Variants in PTPRD observed in about 807,000 individuals in gnomAD.
PTPRD encodes receptor-type tyrosine-protein phosphatase delta.
PTPRD carries 34 observed loss-of-function variants against 214.5 expected under a neutral mutation model. The ratio of observed to expected loss-of-function variants is 0.16; its 90% CI spans 0.12 to 0.21. The LOEUF (loss-of-function observed/expected upper bound fraction) is 0.21. Among genes scored for constraint, PTPRD ranks in the 10% least tolerant of loss-of-function variants. The pLI is 1.00. For missense variants in PTPRD, 2,545 were observed against 2,398.7 expected (o/e 1.06, Z -1.27); for synonymous variants, 1,128 against 845.7 (o/e 1.33, Z -5.79).
intron 9 of PTPRD, among the ~76,000 whole-genome samples, chr9:9,301,983 A>C (rs1366553047): frequency 6.6e-6 from 1 of 151,966 alleles, no homozygotes; most frequent in African/African-American, 2.4e-5. Flanking sequence ...ATTTAAAGTC[A>C]AGTTACTGAT....
chr9:9,405,095 T>G (rs184053432), intron 8 of PTPRD, among the ~76,000 whole-genome samples: 1 of 152,202 alleles, frequency 6.6e-6, no homozygotes, highest in Admixed American at 6.6e-5. Context: ...GCATTTCTTA[T>G]AGGAAACACT....
At chr9:8,338,847 C>CAGAGAGTGAGAGGGAGAGAG in intron 43 of PTPRD, 75 bp downstream of exon 43, 1 of 1,076,430 alleles carries the variant, frequency 9.3e-7, no homozygotes, top group Non-Finnish European at 1.3e-6. Flanking sequence ...GTGCTTCTCC[C>CAGAGAGTGAGAGGGAGAGAG]AGAGAGAGAG....
Position 10,571,449 on chromosome 9 carries a change from T to G in PTPRD, c.-600+40949A>C, listed in dbSNP as rs192110612. ...TCATAAATGCTGTGTTAAATTTTAATGGTTTCCATGATATAGTAAAGAAAC... is the reference window on the plus strand; with the variant it reads ...TCATAAATGCTGTGTTAAATTTTAAGGGTTTCCATGATATAGTAAAGAAAC... On this transcript the variant is annotated intron_variant, in intron 2 of 45. Coordinates refer to ENST00000381196, the MANE Select transcript of PTPRD (RefSeq NM_002839.4). Among the ~76,000 whole-genome samples the G allele has an allele frequency of 5.1e-4, 77 of 152,294 alleles. No homozygotes were observed. The East Asian group carries it at 0.011, about 21-fold the overall frequency.
intron 8 of PTPRD, among the ~76,000 whole-genome samples, chr9:9,398,196 T>C (rs375039238): frequency 1.3e-5 from 2 of 151,514 alleles, no homozygotes; most frequent in Non-Finnish European, 2.9e-5. Flanking sequence ...CCATTCCTTA[T>C]GGCCAGCTCA....
chr9:8,761,778 C>A (rs10116682), intron 11 of PTPRD, among the ~76,000 whole-genome samples: 6,617 of 152,150 alleles, frequency 0.043, 346 homozygotes, highest in African/African-American at 0.13. Flanking sequence ...GATGAATCCT[C>A]AGAAGAAAAT....
chr9:9,336,851 G>A lies in PTPRD; in HGVS notation c.-203+60598C>T, dbSNP rs566437536. 3.3e-5 allele frequency among the ~76,000 whole-genome samples: 5 copies of A among 152,162 alleles called. No individual in the cohort carries two copies. The South Asian group carries it at 8.3e-4, about 25-fold the overall frequency. Reference sequence around the variant, plus strand: ...GTCTCATCTTTGTGATAGTTTATATGAGTAAGACATTTTTCAGTGATGGCT... The same window carrying A: ...GTCTCATCTTTGTGATAGTTTATATAAGTAAGACATTTTTCAGTGATGGCT... On this transcript the variant is annotated intron_variant, in intron 9 of 45. Coordinates refer to ENST00000381196, the MANE Select transcript of PTPRD (RefSeq NM_002839.4).
chr9:8,433,646 G>C (rs1437103775), intron 35 of PTPRD, among the ~76,000 whole-genome samples: 1 of 152,028 alleles, frequency 6.6e-6, no homozygotes, highest in Non-Finnish European at 1.5e-5. Context: ...AATTTAAATA[G>C]AAAAACGCTT....
intron 11 of PTPRD, among the ~76,000 whole-genome samples, chr9:8,950,069 G>A (rs973441870): frequency 1.8e-4 from 28 of 152,096 alleles, no homozygotes; most frequent in African/African-American, 6.8e-4. Flanking sequence ...ATAGGTATTG[G>A]AATGTCTATT....
At chr9:10,151,618 G>C (rs767393420) in intron 3 of PTPRD, among the ~76,000 whole-genome samples, 2 of 151,958 alleles carry the variant, frequency 1.3e-5, no homozygotes, top group African/African-American at 2.4e-5. Flanking sequence ...CATACAGAAA[G>C]TTTACTATTT....
At chr9:10,493,597 T>C (rs1426202391) in intron 2 of PTPRD, among the ~76,000 whole-genome samples, 2 of 151,990 alleles carry the variant, frequency 1.3e-5, no homozygotes, top group African/African-American at 4.8e-5. Context: ...CAAAAATTAA[T>C]ACAGGGTTTC....
chr9:9,255,396 G>T (rs1188494811), intron 9 of PTPRD, among the ~76,000 whole-genome samples: 1 of 151,926 alleles, frequency 6.6e-6, no homozygotes, highest in African/African-American at 2.4e-5. Flanking sequence ...GCTCAACTCA[G>T]GAGAGGTATG....
intron 2 of PTPRD, among the ~76,000 whole-genome samples, chr9:10,431,622 G>A (rs1043825295): frequency 6.5e-4 from 98 of 151,868 alleles, no homozygotes; most frequent in African/African-American, 2.0e-3. Flanking sequence ...AAAAGTGGGC[G>A]AAGGACATGA....
At chr9:10,259,925 A>G (rs1336288672) in intron 3 of PTPRD, among the ~76,000 whole-genome samples, 1 of 152,070 alleles carries the variant, frequency 6.6e-6, no homozygotes, top group Non-Finnish European at 1.5e-5. Flanking sequence ...GTGGATATGC[A>G]CAAGCATCAG....
At chr9:9,368,009 T>C (rs1256421613) in intron 9 of PTPRD, among the ~76,000 whole-genome samples, 1 of 151,792 alleles carries the variant, frequency 6.6e-6, no homozygotes, top group African/African-American at 2.4e-5. Flanking sequence ...CAGTCTGGCA[T>C]GATTAAACTT....
At position 10,403,227 on chromosome 9, in the gene PTPRD, AATAT is replaced by A. The variant is rs58712564; in HGVS notation, c.-599-62214_-599-62211del. On this transcript the variant is annotated intron_variant, in intron 2 of 45. Coordinates refer to ENST00000381196, the MANE Select transcript of PTPRD (RefSeq NM_002839.4). ...TTTCTGTTATTTGTGTGTGTGTGTA[AATAT>A]ATATATATATATATATATATATATA... 2.6e-3 allele frequency among the ~76,000 whole-genome samples: 153 copies of A among 59,870 alleles called. 8 individuals are homozygous for A. Among genetic ancestry groups the A allele is most frequent in the Middle Eastern group, 0.017 (1 of 60 alleles). 39.3% of individuals were successfully genotyped at this position (59,870 alleles called of 152,430 possible).
chr9:10,473,452 T>C (rs1566312072), intron 2 of PTPRD, among the ~76,000 whole-genome samples: 2 of 152,202 alleles, frequency 1.3e-5, no homozygotes, highest in African/African-American at 2.4e-5. Context: ...GAAGAAGAGA[T>C]AATCTATCAA....
chr9:10,414,518 A>C (rs1967867170), intron 2 of PTPRD, among the ~76,000 whole-genome samples: 1 of 151,992 alleles, frequency 6.6e-6, no homozygotes, highest in African/African-American at 2.4e-5. Flanking sequence ...ACTATTGTGG[A>C]AAGCAGCGTG....
chr9:8,327,470 G>A (rs182497978), intron 44 of PTPRD, among the ~76,000 whole-genome samples: 11 of 152,190 alleles, frequency 7.2e-5, no homozygotes, highest in Admixed American at 2.6e-4. Flanking sequence ...GTCAATGTTA[G>A]AATAAGTGCA....
intron 5 of PTPRD, among the ~76,000 whole-genome samples, chr9:9,805,324 G>T (rs1276847251): frequency 6.6e-6 from 1 of 152,088 alleles, no homozygotes; most frequent in East Asian, 1.9e-4. Flanking sequence ...ATTAGCATCA[G>T]TCTTTATAGT....
Sources: allele counts gnomAD v4.1 joint callset (sites outside exome capture counted in the v4.1 genomes callset), GRCh38; gene constraint gnomAD v4.1.1; transcripts MANE v1.5; gene names NCBI Gene and HGNC (gene_info 2026-07-23, HGNC 2026-07-21).